Variants in MRTFA observed in about 807,000 individuals in gnomAD.
MRTFA encodes myocardin-related transcription factor A.
In MRTFA, 20 loss-of-function variants were observed where a neutral mutation model predicts 83.5. The ratio of observed to expected loss-of-function variants is 0.24; its 90% confidence interval spans 0.17 to 0.35. MRTFA has a LOEUF of 0.35. MRTFA is among the 10% of genes least tolerant of loss of function. The probability of loss-of-function intolerance (pLI) is 1.00; values close to 1 mark genes in which losing one functional copy is unlikely to be tolerated. For synonymous variants in MRTFA, 659 were observed against 541.2 expected, an observed-to-expected ratio of 1.22 and a Z score of -3.02; for missense variants, 1,200 against 1,224.7, an observed-to-expected ratio of 0.98 and a Z score of 0.30.
chr22:40,616,542 G>A (rs918003151), intron 1 of MRTFA, among the ~76,000 whole-genome samples: 9 of 152,178 alleles, frequency 5.9e-5, no homozygotes, highest in African/African-American at 1.9e-4. Context: ...GGTGACAAAT[G>A]AGGTAATATT....
chr22:40,535,348 CT>C lies in MRTFA; in HGVS notation c.241+16757del, dbSNP rs531303160. Among the ~76,000 whole-genome samples the C allele has an allele frequency of 8.5e-3, 916 of 107,136 alleles. 16 individuals are homozygous for C. Among genetic ancestry groups the C allele is most frequent in the Middle Eastern group, 0.071 (12 of 168 alleles). 70.3% of individuals were successfully genotyped at this position (107,136 alleles called of 152,430 possible). On this transcript the variant is annotated intron_variant, in intron 3 of 14. Transcript: ENST00000355630. ...TAATTTGCTGTGTGAGAGGTTTTTT[CT>C]TTTTTTTTTTTTTTTTCTTTTTGAG...
intron 3 of MRTFA, among the ~76,000 whole-genome samples, chr22:40,539,578 C>T (rs1302558722): frequency 1.4e-5 from 2 of 144,874 alleles, no homozygotes; most frequent in African/African-American, 4.9e-5. Context: ...TCTCGGCTCA[C>T]TGCAACCTCC....
chr22:40,553,180 G>A (rs1282265113), intron 2 of MRTFA, among the ~76,000 whole-genome samples: 2 of 152,174 alleles, frequency 1.3e-5, no homozygotes, highest in Non-Finnish European at 2.9e-5. Context: ...AGGAAGCAGA[G>A]CATAAAAGTT....
intron 3 of MRTFA, among the ~76,000 whole-genome samples, chr22:40,544,377 G>A (rs563381450): frequency 6.6e-6 from 1 of 152,260 alleles, no homozygotes; most frequent in Non-Finnish European, 1.5e-5. Context: ...TGGGACTACA[G>A]GCATGAGCCA....
At chr22:40,489,177 T>TAC (rs1382842888) in intron 3 of MRTFA, among the ~76,000 whole-genome samples, 3 of 152,124 alleles carry the variant, frequency 2.0e-5, no homozygotes. Context: ...CTTTGAGTAT[T>TAC]ACAAGGAAGA....
rs1301789672 is a variant in MRTFA at position 40,595,137 on chromosome 22, T to TG, written c.-83-403dup. 2.4e-3 allele frequency among the ~76,000 whole-genome samples: 354 copies of TG among 148,846 alleles called. 2 individuals are homozygous for TG. Among genetic ancestry groups the TG allele is most frequent in the Non-Finnish European group, 4.1e-3 (273 of 67,160 alleles). ...ATGCCTTTTTTTTTTTTTTTTTTTTTGGACAAGGAGTCTCGCTCTGTCGCC... is the reference window on the plus strand; with the variant it reads ...ATGCCTTTTTTTTTTTTTTTTTTTTTGGGACAAGGAGTCTCGCTCTGTCGCC... On this transcript the variant is annotated intron_variant, in intron 1 of 14. Transcript: ENST00000355630.
intron 2 of MRTFA, chr22:40,569,710 ATAAT>A (rs1353526924): frequency 2.7e-5 from 4 of 149,024 alleles, no homozygotes; most frequent in Admixed American, 2.1e-4. Flanking sequence ...GCAAGACTCC[ATAAT>A]TAATACATAC....
chr22:40,534,004 G>A (rs1465626275), intron 3 of MRTFA, among the ~76,000 whole-genome samples: 3 of 152,124 alleles, frequency 2.0e-5, no homozygotes, highest in African/African-American at 4.8e-5. Context: ...GAGAAGATGA[G>A]GTTTTGTTCA....
intron 4 of MRTFA, among the ~76,000 whole-genome samples, chr22:40,435,965 G>C (rs1423134812): frequency 6.6e-6 from 1 of 151,326 alleles, no homozygotes; most frequent in Non-Finnish European, 1.5e-5. Flanking sequence ...TCACATTACT[G>C]TTAGTAGTAC....
At chr22:40,477,034 C>A (rs1282808032) in intron 3 of MRTFA, among the ~76,000 whole-genome samples, 1 of 151,854 alleles carries the variant, frequency 6.6e-6, no homozygotes, top group Non-Finnish European at 1.5e-5. Context: ...AATACACCTA[C>A]AGAAATGACC....
chr22:40,427,538 G>A (rs768944416), intron 7 of MRTFA, among the ~76,000 whole-genome samples: 1 of 152,184 alleles, frequency 6.6e-6, no homozygotes, highest in Non-Finnish European at 1.5e-5. Flanking sequence ...GGCAGGTGCT[G>A]TCTTGTCAGG....
intron 1 of MRTFA, among the ~76,000 whole-genome samples, chr22:40,612,439 T>C (rs2056397297): frequency 6.6e-6 from 1 of 152,210 alleles, no homozygotes; most frequent in Non-Finnish European, 1.5e-5. Flanking sequence ...TGTGTGGCAG[T>C]GTAGATTAGC....
At chr22:40,516,102 G>C (rs1477232723) in intron 3 of MRTFA, among the ~76,000 whole-genome samples, 1 of 152,066 alleles carries the variant, frequency 6.6e-6, no homozygotes, top group African/African-American at 2.4e-5. Flanking sequence ...GACTGACTTA[G>C]CTGATATAAA....
intron 1 of MRTFA, among the ~76,000 whole-genome samples, chr22:40,608,608 G>A (rs966385924): frequency 2.3e-4 from 35 of 152,252 alleles, no homozygotes; most frequent in African/African-American, 8.4e-4. Flanking sequence ...TCAACCTCAG[G>A]TCTGTTTGAT....
rs2052686380 is a variant in MRTFA at position 40,416,680 on chromosome 22, C to T, written c.2578+306G>A. Among the ~76,000 whole-genome samples the T allele has an allele frequency of 6.6e-6, 1 of 152,252 alleles. No homozygotes were observed. The highest frequency in any genetic ancestry group is 2.1e-4 in the South Asian group (1 of 4,836). On this transcript the variant is annotated intron_variant, in intron 14 of 14. Coordinates refer to ENST00000355630, the MANE Select transcript of MRTFA (RefSeq NM_020831.6). The surrounding 1 kb of genome is among the most constrained non-coding windows in gnomAD (Gnocchi z 4.2). The stretch of plus-strand genomic sequence containing the variant: ...CCTCTCGGATCTTCCATATGATCTG[C>T]TTATTTCTTATATTTGTTGTCCACC...
chr22:40,501,782 C>T (rs1365882410), intron 3 of MRTFA, among the ~76,000 whole-genome samples: 3 of 61,832 alleles, frequency 4.9e-5, no homozygotes, highest in Admixed American at 1.3e-4. Flanking sequence ...ACCTCCCAGA[C>T]GGGGCGGCTG....
chr22:40,534,827 A>G (rs971991219), intron 3 of MRTFA, among the ~76,000 whole-genome samples: 1 of 152,252 alleles, frequency 6.6e-6, no homozygotes, highest in African/African-American at 2.4e-5. Context: ...CCTGTATGTG[A>G]AAGCTGGCTG....
chr22:40,411,819 T>C lies in MRTFA; in HGVS notation c.2667A>G (p.Ala889=). The C allele has an allele frequency of 1.3e-6, 2 of 1,518,142 alleles. No individual in the cohort carries two copies. The highest frequency in any genetic ancestry group is 1.8e-6 in the Non-Finnish European group (2 of 1,129,464). 94.0% of individuals were successfully genotyped at this position (1,518,142 alleles called of 1,614,324 possible). The change falls in exon 15 of 15, where the codon GCA becomes GCG. Residue 889 remains alanine (A), a synonymous_variant. Transcript: ENST00000355630. ...GGAGCTCAGCAGAAGGTGATGGCTG[T>C]GCTGCCAGGGGGGACCCACAGACTG...
chr22:40,455,818 AT>A (rs2053576314), intron 4 of MRTFA, among the ~76,000 whole-genome samples: 5 of 150,508 alleles, frequency 3.3e-5, no homozygotes, highest in Non-Finnish European at 7.4e-5. Context: ...GTATGTATGT[AT>A]GTATGTATGT....
Sources: gnomAD v4.1 joint callset for allele counts (sites outside exome capture counted in the v4.1 genomes callset) on GRCh38, gnomAD v4.1.1 for gene constraint, Gnocchi (gnomAD v3.1) non-coding constraint, MANE v1.5 for transcripts, NCBI Gene and HGNC (gene_info 2026-07-23, HGNC 2026-07-21) for gene names.